Variants in THADA observed in about 807,000 individuals in gnomAD.
THADA encodes the protein THADA armadillo repeat containing.
In THADA, 213 loss-of-function variants were observed where a neutral mutation model predicts 219.8. The observed-to-expected ratio is 0.97, with a 90% confidence interval of 0.87 to 1.09. The LOEUF (loss-of-function observed/expected upper bound fraction) is 1.09, where lower values mean the gene tolerates loss of function less well. Among genes scored for constraint, THADA ranks in the 50% least tolerant of loss-of-function variants. The pLI is 0.00. For synonymous variants in THADA, 1,018 were observed against 828.9 expected (o/e 1.23, Z -3.92); for missense variants, 2,956 against 2,311.3 (o/e 1.28, Z -5.72).
rs1308719403 is a variant in THADA, at chr2:43,279,865, A to G, written c.5196T>C (p.Cys1732=). 2 of 1,565,114 alleles carry G rather than the reference A, an allele frequency of 1.3e-6. No homozygotes were observed. The highest frequency in any genetic ancestry group is 1.7e-6 in the Non-Finnish European group (2 of 1,157,702). The change falls in exon 36 of 38, where the codon TGT becomes TGC. Residue 1732 remains cysteine, a synonymous_variant. Coordinates refer to ENST00000405975, the MANE Select transcript of THADA (RefSeq NM_022065.5). ...ELQDTLALWK[C]VLTLLQSEEQ... ...CCTCACTCTGCAGAAGGGTAAGGAC[A>G]CACTTCCAGAGAGCAAGTGTATCCT...
In THADA at chr2:43,291,720, G is replaced by T. The variant is rs374412383; in HGVS notation, c.4986C>A (p.Ser1662=). ...CCTCCACACATGTCTGCATGTGGTG[G>T]GAAATGACTTTGGAAGCAAGTCTCA... ...VALRLASKVI[S]HHMQTCVENR... Residue 1662 remains serine (S), a synonymous_variant, in exon 34 of 38, where the codon TCC becomes TCA. Coordinates refer to ENST00000405975, the MANE Select transcript of THADA (RefSeq NM_022065.5). The T allele has an allele frequency of 5.9e-5, 92 of 1,557,270 alleles. No individual in the cohort carries two copies. The African/African-American group carries it at 1.2e-3, about 20-fold the overall frequency.
At position 43,487,687 on chromosome 2, in the gene THADA, C is replaced by T. The variant is rs192430633; in HGVS notation, c.3745-2362G>A. Reference sequence around the variant, plus strand: ...CATGGGGGTAGAGCTCTCACGAATGCGATTAGTGCCCTTATAAAAGAGGCC... The same window carrying T: ...CATGGGGGTAGAGCTCTCACGAATGTGATTAGTGCCCTTATAAAAGAGGCC... On this transcript the variant is annotated intron_variant, in intron 25 of 37. Transcript: ENST00000405975. 1.3e-3 allele frequency among the ~76,000 whole-genome samples: 203 copies of T among 152,220 alleles called. 3 individuals are homozygous for T. The highest frequency in any genetic ancestry group is 2.0e-3 in the Non-Finnish European group (136 of 68,014).
intron 36 of THADA, among the ~76,000 whole-genome samples, chr2:43,272,308 C>G (rs1439843467): frequency 6.6e-6 from 1 of 152,114 alleles, no homozygotes; most frequent in Non-Finnish European, 1.5e-5. Context: ...AGAGAGAGTT[C>G]TGAGCAGAAG....
chr2:43,447,586 G>A (rs2104882644), intron 26 of THADA, among the ~76,000 whole-genome samples: 1 of 152,260 alleles, frequency 6.6e-6, no homozygotes, highest in Non-Finnish European at 1.5e-5. Context: ...TTAAGGCACT[G>A]CAAAAACTGA....
chr2:43,239,767 C>T (rs1204228513), intron 36 of THADA, among the ~76,000 whole-genome samples: 1 of 152,230 alleles, frequency 6.6e-6, no homozygotes, highest in Non-Finnish European at 1.5e-5. Context: ...TCTGGAGAAT[C>T]CTCCTTCAGG....
intron 26 of THADA, among the ~76,000 whole-genome samples, chr2:43,474,578 A>C (rs780651914): frequency 1.3e-5 from 2 of 152,218 alleles, no homozygotes; most frequent in Non-Finnish European, 2.9e-5. Flanking sequence ...GAAGAAAAAA[A>C]ATGTTGAATC....
At position 43,416,602 on chromosome 2, in the gene THADA, G is replaced by A. The variant is rs1353099838; in HGVS notation, c.4058+11498C>T. ...GGCATCTCTTGGGGGCTGGTGGTCA[G>A]GGCACAAATGTCCCAGATCAGGAAT... On this transcript the variant is annotated intron_variant, in intron 28 of 37. Coordinates refer to ENST00000405975, the MANE Select transcript of THADA (RefSeq NM_022065.5). Among the ~76,000 whole-genome samples the A allele has an allele frequency of 5.3e-5, 8 of 152,246 alleles. No individual in the cohort carries two copies. In the East Asian group the frequency reaches 1.5e-3, roughly 29 times the overall value.
At chr2:43,480,833 A>G (rs923110802) in intron 26 of THADA, among the ~76,000 whole-genome samples, 11 of 151,896 alleles carry the variant, frequency 7.2e-5, no homozygotes, top group African/African-American at 2.2e-4. Context: ...GGAAAAAAAA[A>G]AAAAAGAAAA....
At chr2:43,481,820 C>T (rs1686265041) in intron 26 of THADA, among the ~76,000 whole-genome samples, 1 of 152,170 alleles carries the variant, frequency 6.6e-6, no homozygotes, top group African/African-American at 2.4e-5. Context: ...CAATGCTATA[C>T]ATTAAGAACC....
chr2:43,381,313 G>T (rs541766156), intron 29 of THADA, among the ~76,000 whole-genome samples: 2 of 151,932 alleles, frequency 1.3e-5, no homozygotes, highest in Non-Finnish European at 2.9e-5. Context: ...ATAAATGATT[G>T]AACAAATAAA....
Position 43,572,848 on chromosome 2 carries a change from C to G in THADA, c.1874G>C (p.Arg625Thr), listed in dbSNP as rs780233218. Residue 625 changes from arginine to threonine, a missense_variant, in exon 12 of 38, where the codon AGA becomes ACA. By Grantham distance (71) the Arg-to-Thr change is moderately conservative. Coordinates refer to ENST00000405975, the MANE Select transcript of THADA (RefSeq NM_022065.5). ...CTGATGAATTAAGCCTTGCTTTATT[C>G]TTGCATCAGACACGAGGTTCTCCCA... is the stretch of plus-strand genomic sequence containing the variant. ...DTWENLVSDARIKQGLIHQHC... is the reference protein window; with the variant it reads ...DTWENLVSDATIKQGLIHQHC... The G allele has an allele frequency of 3.7e-6, 6 of 1,613,636 alleles. No homozygotes were observed. Among genetic ancestry groups the G allele is most frequent in the Non-Finnish European group, 4.2e-6 (5 of 1,179,796 alleles).
intron 26 of THADA, among the ~76,000 whole-genome samples, chr2:43,458,671 C>T (rs975599200): frequency 2.6e-5 from 4 of 152,064 alleles, no homozygotes; most frequent in Non-Finnish European, 5.9e-5. Flanking sequence ...AATATCAGAC[C>T]ACATGCCAGT....
At chr2:43,394,243 A>G (rs1353742813) in intron 29 of THADA, among the ~76,000 whole-genome samples, 1 of 152,210 alleles carries the variant, frequency 6.6e-6, no homozygotes, top group African/African-American at 2.4e-5. Context: ...TGGTTTTTAA[A>G]ACGATTAAGA....
intron 36 of THADA, among the ~76,000 whole-genome samples, chr2:43,269,636 G>C (rs80134296): frequency 2.0e-5 from 3 of 152,218 alleles, no homozygotes; most frequent in African/African-American, 7.2e-5. Flanking sequence ...ACTGCAGCTG[G>C]CAGGAATGGG....
At chr2:43,295,472 T>C (rs151041539) in intron 31 of THADA, among the ~76,000 whole-genome samples, 18 of 152,372 alleles carry the variant, frequency 1.2e-4, no homozygotes, top group African/African-American at 1.7e-4. Flanking sequence ...CAAGAACTTA[T>C]GACAGACTTC....
At chr2:43,453,995 C>A (rs576968709) in intron 26 of THADA, among the ~76,000 whole-genome samples, 45 of 152,248 alleles carry the variant, frequency 3.0e-4, no homozygotes, top group Middle Eastern at 3.4e-3. Context: ...CCTTCTGGCT[C>A]AACCTTCCAA....
In THADA at chr2:43,291,786, C is replaced by A; in HGVS notation, c.4938-18G>T. The A allele has an allele frequency of 2.0e-6, 3 of 1,529,290 alleles. No homozygotes were observed. The highest frequency in any genetic ancestry group is 4.3e-5 in the Admixed American group (2 of 46,826). The allele number at this position is 1,529,290 out of a possible 1,614,324, so 94.7% of individuals were successfully genotyped here. A position where few individuals can be genotyped will look rare whatever the true frequency, so the allele number is the denominator to read the frequency against. On this transcript the variant is annotated intron_variant, in intron 33 of 37. Coordinates refer to ENST00000405975, the MANE Select transcript of THADA (RefSeq NM_022065.5). ...TTTCAGATCTAGAAAAATAAACAAA[C>A]AAAAAAACAACACAAAATTACAATC...
chr2:43,271,247 A>G (rs1672086212), intron 36 of THADA, among the ~76,000 whole-genome samples: 1 of 152,246 alleles, frequency 6.6e-6, no homozygotes, highest in South Asian at 2.1e-4. Flanking sequence ...AGGGAGACAC[A>G]GAGTTAGTCC....
chr2:43,254,940 A>T (rs1468598407), intron 36 of THADA, among the ~76,000 whole-genome samples: 1 of 152,172 alleles, frequency 6.6e-6, no homozygotes, highest in Non-Finnish European at 1.5e-5. Context: ...TTTTCTGGGG[A>T]CACTGGCTTT....
Sources: allele counts gnomAD v4.1 joint callset (sites outside exome capture counted in the v4.1 genomes callset), GRCh38; gene constraint gnomAD v4.1.1; transcripts MANE v1.5; gene names NCBI Gene and HGNC (gene_info 2026-07-23, HGNC 2026-07-21).